Variants in GALNT17 observed in about 807,000 individuals in gnomAD.
GALNT17 encodes polypeptide N-acetylgalactosaminyltransferase 17, also known as UDP-GalNAc:polypeptide N-acetylgalactosaminyltransferase-like 3.
In GALNT17, 29 loss-of-function variants were observed where a neutral mutation model predicts 63.7. The ratio of observed to expected loss-of-function variants is 0.46; its 90% CI spans 0.34 to 0.62. GALNT17 has a LOEUF of 0.62. Ranked by LOEUF, GALNT17 falls within the 20% of genes least tolerant of loss-of-function variation. GALNT17 has a pLI of 0.01. For missense variants in GALNT17, 603 were observed against 799.6 expected, an observed-to-expected ratio of 0.75 and a Z score of 2.97; for synonymous variants, 305 against 318.3, an observed-to-expected ratio of 0.96 and a Z score of 0.45.
intron 3 of GALNT17, among the ~76,000 whole-genome samples, chr7:71,394,755 A>T (rs544921058): frequency 6.6e-6 from 1 of 152,178 alleles, no homozygotes; most frequent in East Asian, 1.9e-4. Context: ...GCCATTCTTT[A>T]TTTTTCCTCA....
intron 2 of GALNT17, among the ~76,000 whole-genome samples, chr7:71,375,907 G>A (rs552121056): frequency 6.6e-6 from 1 of 152,136 alleles, no homozygotes; most frequent in East Asian, 1.9e-4. Flanking sequence ...GTAAAACCCC[G>A]ACTGTACTGA....
At chr7:71,338,179 T>G (rs923522253) in intron 2 of GALNT17, among the ~76,000 whole-genome samples, 2 of 151,450 alleles carry the variant, frequency 1.3e-5, no homozygotes, top group Non-Finnish European at 2.9e-5. Flanking sequence ...TACAAAAAAT[T>G]AGCCGGGCGT....
intron 5 of GALNT17, among the ~76,000 whole-genome samples, chr7:71,441,037 T>G (rs771959415): frequency 1.6e-4 from 25 of 152,056 alleles, no homozygotes; most frequent in Non-Finnish European, 2.6e-4. Context: ...TTTGGTTTTT[T>G]TTTGGAGATG....
chr7:71,568,688 G>A (rs1789388956), intron 5 of GALNT17, among the ~76,000 whole-genome samples: 1 of 152,114 alleles, frequency 6.6e-6, no homozygotes. Flanking sequence ...GGTAGATGCT[G>A]AGCAAATATT....
intron 1 of GALNT17, among the ~76,000 whole-genome samples, chr7:71,283,218 G>A (rs773726791): frequency 2.6e-5 from 4 of 151,942 alleles, no homozygotes; most frequent in Non-Finnish European, 5.9e-5. Context: ...AAAAATTTGT[G>A]TGTAGATGGA....
rs947174449 is a variant in GALNT17 at position 71,420,219 on chromosome 7, A to G, written c.765-689A>G. Among the ~76,000 whole-genome samples, 7 of 152,336 alleles carry G rather than the reference A, an allele frequency of 4.6e-5. No individual in the cohort carries two copies. The South Asian group carries it at 8.3e-4, about 18-fold the overall frequency. On this transcript the variant is annotated intron_variant, in intron 4 of 10. Coordinates refer to ENST00000333538, the MANE Select transcript of GALNT17 (RefSeq NM_022479.3). The stretch of plus-strand genomic sequence containing the variant: ...CGGGCTACACCTTGAACCTGGAGCC[A>G]GATTCCTGACGAATTACCTGCTGCA...
intron 1 of GALNT17, among the ~76,000 whole-genome samples, chr7:71,328,698 T>C (rs189409140): frequency 2.0e-5 from 3 of 149,180 alleles, no homozygotes; most frequent in Non-Finnish European, 4.4e-5. Context: ...GCAGATTAAG[T>C]GGGGGTGAAA....
intron 6 of GALNT17, among the ~76,000 whole-genome samples, chr7:71,573,866 C>G (rs1390447053): frequency 6.6e-6 from 1 of 152,084 alleles, no homozygotes; most frequent in Non-Finnish European, 1.5e-5. Context: ...GTCTGTGGTT[C>G]CCTTCTTTGT....
intron 1 of GALNT17, among the ~76,000 whole-genome samples, chr7:71,302,659 G>A (rs1791221652): frequency 6.6e-6 from 1 of 152,112 alleles, no homozygotes; most frequent in African/African-American, 2.4e-5. Flanking sequence ...ATTGATGAAA[G>A]CTGGAAAGAC....
At chr7:71,350,021 C>A in intron 2 of GALNT17, among the ~76,000 whole-genome samples, 1 of 152,192 alleles carries the variant, frequency 6.6e-6, no homozygotes, top group East Asian at 1.9e-4. Context: ...ATATTTGGAA[C>A]CCTGGTGGCA....
intron 2 of GALNT17, among the ~76,000 whole-genome samples, chr7:71,359,080 A>G (rs533236587): frequency 3.9e-5 from 6 of 152,318 alleles, no homozygotes; most frequent in African/African-American, 4.8e-5. Context: ...TTGATTTGCA[A>G]TGATTTACAA....
chr7:71,393,691 CGAGAT>C (rs762062456), intron 3 of GALNT17, among the ~76,000 whole-genome samples: 1 of 152,066 alleles, frequency 6.6e-6, no homozygotes, highest in Non-Finnish European at 1.5e-5. Context: ...GAGAAGCAGA[CGAGAT>C]GAGACTGCAG....
At chr7:71,696,268 AT>A (rs1215307121) in intron 9 of GALNT17, among the ~76,000 whole-genome samples, 6 of 101,870 alleles carry the variant, frequency 5.9e-5, no homozygotes, top group African/African-American at 1.9e-4. Context: ...ATGTGCCACC[AT>A]GCCCAGCTAG....
intron 1 of GALNT17, among the ~76,000 whole-genome samples, chr7:71,187,287 T>C (rs570492853): frequency 4.7e-4 from 46 of 98,298 alleles, no homozygotes; most frequent in African/African-American, 1.8e-3. Flanking sequence ...TTTTTCTTTC[T>C]TTTTTTTTTT....
At chr7:71,422,697 G>A (rs190262792) in intron 5 of GALNT17, among the ~76,000 whole-genome samples, 6 of 152,348 alleles carry the variant, frequency 3.9e-5, no homozygotes, top group Admixed American at 3.9e-4. Context: ...GTTACAGTGT[G>A]CTCTTTCATC....
At chr7:71,279,608 C>G (rs4612224) in intron 1 of GALNT17, among the ~76,000 whole-genome samples, 65,744 of 151,382 alleles carry the variant, frequency 0.43, 16,190 homozygotes, top group Non-Finnish European at 0.54. Flanking sequence ...CAAATAAGAT[C>G]ACATTCTGAG....
intron 1 of GALNT17, among the ~76,000 whole-genome samples, chr7:71,218,640 A>T (rs1789529491): frequency 6.6e-6 from 1 of 152,100 alleles, no homozygotes; most frequent in South Asian, 2.1e-4. Context: ...AAGCGATCGA[A>T]GCTTCATCTG....
At chr7:71,616,617 T>A (rs1334259599) in intron 6 of GALNT17, among the ~76,000 whole-genome samples, 2 of 144,920 alleles carry the variant, frequency 1.4e-5, no homozygotes, top group Non-Finnish European at 3.0e-5. Flanking sequence ...AGTTTATATA[T>A]TTTATATTTA....
At chr7:71,263,837 T>C (rs1039196469) in intron 1 of GALNT17, among the ~76,000 whole-genome samples, 3 of 151,990 alleles carry the variant, frequency 2.0e-5, no homozygotes, top group Non-Finnish European at 4.4e-5. Flanking sequence ...GGCAGGAGAA[T>C]GGCGTGAACC....
Sources: allele counts gnomAD v4.1 joint callset (sites outside exome capture counted in the v4.1 genomes callset), GRCh38; gene constraint gnomAD v4.1.1; transcripts MANE v1.5; gene names NCBI Gene and HGNC (gene_info 2026-07-23, HGNC 2026-07-21).